The following HPSE2 variants were observed in gnomAD, a reference collection of about 807,000 sequenced individuals.
HPSE2 encodes the protein heparanase 2 (inactive).
In HPSE2, 38 loss-of-function variants were observed where a neutral mutation model predicts 60.5. The ratio of observed to expected loss-of-function variants is 0.63; its 90% confidence interval spans 0.48 to 0.82. HPSE2 has a LOEUF of 0.82. Among genes scored for constraint, HPSE2 ranks in the 40% least tolerant of loss-of-function variants. The pLI is 0.00. For missense variants in HPSE2, 713 were observed against 740.4 expected (o/e 0.96, Z 0.43); for synonymous variants, 295 against 293.2 (o/e 1.01, Z -0.06).
chr10:98,877,101 C>A (rs114948823), intron 3 of HPSE2, among the ~76,000 whole-genome samples: 1,653 of 151,866 alleles, frequency 0.011, 33 homozygotes, highest in African/African-American at 0.037. Context: ...ACCTGCTGTA[C>A]AAATTCTTTT....
intron 2 of HPSE2, among the ~76,000 whole-genome samples, chr10:99,194,865 A>G (rs1848339721): frequency 6.6e-6 from 1 of 152,082 alleles, no homozygotes; most frequent in Non-Finnish European, 1.5e-5. Flanking sequence ...ATTAGAGAAG[A>G]AGGAAGAACT....
At chr10:98,987,828 CA>C (rs1391844848) in intron 3 of HPSE2, among the ~76,000 whole-genome samples, 1 of 152,052 alleles carries the variant, frequency 6.6e-6, no homozygotes, top group Non-Finnish European at 1.5e-5. Flanking sequence ...GCAAAAATCA[CA>C]AGCATTCTTA....
intron 2 of HPSE2, among the ~76,000 whole-genome samples, chr10:99,165,276 A>G (rs2133784007): frequency 6.6e-6 from 1 of 152,164 alleles, no homozygotes; most frequent in East Asian, 1.9e-4. Flanking sequence ...ACCACAGTAC[A>G]GTGCTGCATA....
intron 11 of HPSE2, 51 bp from the exon 12 acceptor site, chr10:98,459,790 C>CA: frequency 6.4e-7 from 1 of 1,551,044 alleles, no homozygotes; most frequent in Non-Finnish European, 8.8e-7. Flanking sequence ...ATAAGGGAGC[C>CA]ACTGCAACAA....
chr10:99,173,613 A>G (rs1026757567), intron 2 of HPSE2, among the ~76,000 whole-genome samples: 2 of 152,168 alleles, frequency 1.3e-5, no homozygotes, highest in Non-Finnish European at 2.9e-5. Flanking sequence ...TGTAAAACTT[A>G]TAACTCTGAA....
intron 6 of HPSE2, among the ~76,000 whole-genome samples, chr10:98,650,684 C>A (rs1298084028): frequency 6.6e-6 from 1 of 152,036 alleles, no homozygotes; most frequent in Non-Finnish European, 1.5e-5. Flanking sequence ...ACACAGTGAC[C>A]AAGGTGATTA....
intron 6 of HPSE2, among the ~76,000 whole-genome samples, chr10:98,664,405 G>C (rs1021098221): frequency 2.6e-5 from 4 of 152,084 alleles, no homozygotes; most frequent in African/African-American, 4.8e-5. Flanking sequence ...GTCCAAGAAG[G>C]GTGTAGCCTG....
At chr10:99,287,671 C>A in the HPSE2 span, among the ~76,000 whole-genome samples, 1 of 152,162 alleles carries the variant, frequency 6.6e-6, no homozygotes, top group East Asian at 1.9e-4. Flanking sequence ...CAAACATTTA[C>A]CTTAAGAAAA....
the HPSE2 span, among the ~76,000 whole-genome samples, chr10:99,285,368 G>A: frequency 6.6e-6 from 1 of 151,268 alleles, no homozygotes; most frequent in Admixed American, 6.6e-5. Context: ...GAAGATTGAT[G>A]CTGCAGTGAG....
intron 3 of HPSE2, among the ~76,000 whole-genome samples, chr10:98,890,986 CTTATT>C (rs375739667): frequency 2.0e-5 from 3 of 152,140 alleles, no homozygotes; most frequent in African/African-American, 4.8e-5. Flanking sequence ...GAGCACATAT[CTTATT>C]TTAATTTTAT....
At chr10:98,571,707 T>C (rs948502283) in intron 9 of HPSE2, among the ~76,000 whole-genome samples, 2 of 152,130 alleles carry the variant, frequency 1.3e-5, no homozygotes, top group Non-Finnish European at 2.9e-5. Context: ...ATTAAGAAAT[T>C]GTGAGCAGAA....
At chr10:98,661,276 A>T (rs1200269972) in intron 6 of HPSE2, among the ~76,000 whole-genome samples, 5 of 152,252 alleles carry the variant, frequency 3.3e-5, no homozygotes, top group Admixed American at 2.0e-4. Flanking sequence ...GGTCTTGGAG[A>T]AGAAAATATA....
intron 6 of HPSE2, among the ~76,000 whole-genome samples, chr10:98,674,381 G>A (rs1240744289): frequency 1.3e-5 from 2 of 152,208 alleles, no homozygotes; most frequent in Non-Finnish European, 2.9e-5. Flanking sequence ...ATAATGGAAA[G>A]TCCTCCCTAG....
chr10:98,660,708 C>T (rs1284637741), intron 6 of HPSE2, among the ~76,000 whole-genome samples: 1 of 152,132 alleles, frequency 6.6e-6, no homozygotes, highest in East Asian at 1.9e-4. Context: ...TTCATCTTTC[C>T]TTTCCTTCTG....
chr10:98,780,827 G>A (rs918363818), intron 3 of HPSE2, among the ~76,000 whole-genome samples: 3 of 152,098 alleles, frequency 2.0e-5, no homozygotes, highest in Admixed American at 1.3e-4. Context: ...GAAGTCTTGT[G>A]TGGCAGGAAA....
chr10:99,172,394 AAG>A (rs1382801466), intron 2 of HPSE2, among the ~76,000 whole-genome samples: 2 of 152,186 alleles, frequency 1.3e-5, no homozygotes, highest in Admixed American at 6.5e-5. Context: ...AGGCTTTCAA[AAG>A]AGAGTATAAT....
chr10:98,644,912 A>AT (rs1423914577), intron 6 of HPSE2, among the ~76,000 whole-genome samples: 2 of 152,150 alleles, frequency 1.3e-5, no homozygotes, highest in African/African-American at 4.8e-5. Context: ...GTGGGCTGTG[A>AT]ATTGGATTGG....
chr10:99,054,344 T>G (rs1958060874), intron 3 of HPSE2, among the ~76,000 whole-genome samples: 1 of 152,192 alleles, frequency 6.6e-6, no homozygotes, highest in African/African-American at 2.4e-5. Flanking sequence ...CAGAGCGATC[T>G]TGTTAATAAC....
intron 7 of HPSE2, among the ~76,000 whole-genome samples, chr10:98,638,889 G>A (rs1946567541): frequency 6.6e-6 from 1 of 152,162 alleles, no homozygotes; most frequent in African/African-American, 2.4e-5. Context: ...GAAAAAAACA[G>A]GGAAATGACT....
Sources: allele counts gnomAD v4.1 joint callset (sites outside exome capture counted in the v4.1 genomes callset), GRCh38; gene constraint gnomAD v4.1.1; transcripts MANE v1.5; gene names NCBI Gene and HGNC (gene_info 2026-07-23, HGNC 2026-07-21).